The following PHTF1 variants were observed in gnomAD, a reference collection of about 807,000 sequenced individuals.
PHTF1 encodes the protein protein PHTF1.
In PHTF1, 88 loss-of-function variants were observed where a neutral mutation model predicts 102.4. The observed-to-expected ratio is 0.86, with a 90% CI of 0.72 to 1.03. The LOEUF is 1.03. Among genes scored for constraint, PHTF1 ranks in the 50% least tolerant of loss-of-function variants. PHTF1 has a pLI of 0.00. For missense variants in PHTF1, 814 were observed against 909.5 expected (o/e 0.89, Z 1.35); for synonymous variants, 289 against 305.2 (o/e 0.95, Z 0.55).
At chr1:113,741,907 A>G (rs1370340179) in intron 3 of PHTF1, among the ~76,000 whole-genome samples, 1 of 152,046 alleles carries the variant, frequency 6.6e-6, no homozygotes, top group East Asian at 1.9e-4. Context: ...ATGACTACTG[A>G]TCTTATGGGA....
chr1:113,712,083 A>T lies in PHTF1; in HGVS notation c.814T>A (p.Ser272Thr). The change falls in exon 9 of 19, where the codon TCT (serine) becomes ACT (threonine). Residue 272 changes from serine (S) to threonine (T), a missense_variant. Transcript: ENST00000369604. ...TCTTCTTCACTTGACAGGTCATCAG[A>T]CACCCCATTACCCAAACGCCTAAAA... ...EAFRRLGNGV[S>T]DDLSSEEDGE... 6.2e-7 allele frequency: 1 copy of T among 1,614,064 alleles called. No individual in the cohort carries two copies. The highest frequency in any genetic ancestry group is 8.5e-7 in the Non-Finnish European group (1 of 1,179,992).
At chr1:113,749,360 G>A (rs1657681416) in intron 3 of PHTF1, among the ~76,000 whole-genome samples, 1 of 152,182 alleles carries the variant, frequency 6.6e-6, no homozygotes, top group Non-Finnish European at 1.5e-5. Context: ...CTATAGAGGC[G>A]TGGCCAGTCA....
At chr1:113,700,455 G>A (rs548868150) in intron 16 of PHTF1, among the ~76,000 whole-genome samples, 1 of 152,176 alleles carries the variant, frequency 6.6e-6, no homozygotes, top group South Asian at 2.1e-4. Flanking sequence ...AAGAATTCAA[G>A]AAGCTTATTA....
In PHTF1 at chr1:113,706,128, A is replaced by G; in HGVS notation, c.1433T>C (p.Met478Thr). 1.2e-6 allele frequency: 2 copies of G among 1,613,848 alleles called. No homozygotes were observed. Among genetic ancestry groups the G allele is most frequent in the Non-Finnish European group, 1.7e-6 (2 of 1,179,824 alleles). ...TCCAATAGTGACAACATTTCCCAGC[A>G]TCTGATAACCTACTCCTTGCTGATA... ...NAYQQGVGYQ[M>T]LGNVVTIGLA... The change falls in exon 13 of 19, where the codon ATG (methionine) becomes ACG (threonine). Residue 478 changes from methionine to threonine, a missense_variant. By Grantham distance (81) the Met-to-Thr change is moderately conservative. Transcript: ENST00000369604.
chr1:113,759,140 C>A lies in PHTF1; in HGVS notation c.-148G>T. 4.3e-6 allele frequency: 4 copies of A among 935,156 alleles called. No individual in the cohort carries two copies. The South Asian group carries it at 1.9e-4, about 45-fold the overall frequency. The allele number at this position is 935,156 out of a possible 1,614,324, so 57.9% of individuals were successfully genotyped here. On this transcript the variant is annotated 5_prime_UTR_variant, in exon 1 of 19. Coordinates refer to ENST00000369604, the MANE Select transcript of PHTF1 (RefSeq NM_001323043.2). ...GGCAGGCCGCATCTTCCCCTCCAGG[C>A]GGAGACGCCGGAGAGGCCGTTACCA...
At position 113,713,466 on chromosome 1, in the gene PHTF1, T is replaced by G. The variant is rs939998882; in HGVS notation, c.624-28A>C. The G allele has an allele frequency of 4.5e-6, 6 of 1,333,590 alleles. No homozygotes were observed. In the Admixed American group the frequency reaches 6.5e-5, roughly 15 times the overall value. 82.6% of individuals were successfully genotyped at this position (1,333,590 alleles called of 1,614,324 possible). A position where few individuals can be genotyped will look rare whatever the true frequency, so the allele number is the denominator to read the frequency against. The stretch of plus-strand genomic sequence containing the variant: ...ATTTTTTAAAAAAGGAAAAGAAGAT[T>G]AATTTTTTGAAAGTAACACCTTTCA... On this transcript the variant is annotated intron_variant, in intron 7 of 18. Transcript: ENST00000369604.
Position 113,698,390 on chromosome 1 carries a change from A to G in PHTF1, c.2143-3T>C. ...AGTCTAAATGGTGTGTCCAGCTCCT[A>G]CAAAAAACATCAAAGAATTGAAATG... On this transcript the variant is annotated splice_polypyrimidine_tract_variant and splice_region_variant and intron_variant, in intron 17 of 18. Transcript: ENST00000369604. The G allele has an allele frequency of 5.0e-6, 8 of 1,609,078 alleles. No individual in the cohort carries two copies. The highest frequency in any genetic ancestry group is 6.8e-6 in the Non-Finnish European group (8 of 1,177,704).
At chr1:113,751,405 C>T (rs1383901278) in intron 3 of PHTF1, among the ~76,000 whole-genome samples, 4 of 152,180 alleles carry the variant, frequency 2.6e-5, no homozygotes, top group African/African-American at 9.7e-5. Flanking sequence ...CTGTTCCCCT[C>T]AATCCATAGG....
intron 12 of PHTF1, among the ~76,000 whole-genome samples, 196 bp downstream of exon 12, chr1:113,706,398 T>G (rs1278028443): frequency 6.6e-6 from 1 of 152,030 alleles, no homozygotes; most frequent in Admixed American, 6.6e-5. Flanking sequence ...GTATAACAAA[T>G]AATGTATATA....
At chr1:113,746,863 A>T (rs1657327701) in intron 3 of PHTF1, 1 of 910,166 alleles carries the variant, frequency 1.1e-6, no homozygotes, top group Non-Finnish European at 1.3e-6. Flanking sequence ...CTTACCCTTG[A>T]TTCATACATC....
chr1:113,739,002 C>T (rs963172288), intron 3 of PHTF1, among the ~76,000 whole-genome samples: 1 of 152,050 alleles, frequency 6.6e-6, no homozygotes, highest in African/African-American at 2.4e-5. Flanking sequence ...CAGGTGCCCA[C>T]CATTAAGCCC....
At chr1:113,758,232 A>AAAAAAC (rs1659181697) in intron 2 of PHTF1, among the ~76,000 whole-genome samples, 1 of 50,432 alleles carries the variant, frequency 2.0e-5, no homozygotes, top group Non-Finnish European at 4.5e-5. Context: ...ACTCCGTCTC[A>AAAAAAC]AAAAAAAAAA....
chr1:113,716,542 TCTCCCTAATG>T (rs1652066400), intron 7 of PHTF1, among the ~76,000 whole-genome samples: 1 of 151,758 alleles, frequency 6.6e-6, no homozygotes, highest in Non-Finnish European at 1.5e-5. Flanking sequence ...AGAGACTGGG[TCTCCCTAATG>T]TTGCCCAGGT....
At chr1:113,724,190 A>T (rs1653461634) in intron 7 of PHTF1, among the ~76,000 whole-genome samples, 1 of 152,202 alleles carries the variant, frequency 6.6e-6, no homozygotes, top group Non-Finnish European at 1.5e-5. Flanking sequence ...TAGTACAACC[A>T]CTATGAAGAA....
chr1:113,704,850 T>C (rs1649892813), intron 13 of PHTF1, 53 bp from the exon 14 acceptor site: 1 of 1,189,738 alleles, frequency 8.4e-7, no homozygotes, highest in Non-Finnish European at 1.2e-6. Context: ...TGTCTGTGTA[T>C]TCATATAATT....
intron 11 of PHTF1, 139 bp downstream of exon 11, chr1:113,710,113 TCA>T: frequency 1.5e-6 from 1 of 664,856 alleles, no homozygotes; most frequent in South Asian, 1.8e-5. Context: ...TAGACTATGC[TCA>T]GTTTCCTCAC....
intron 3 of PHTF1, among the ~76,000 whole-genome samples, chr1:113,755,413 T>A (rs897791810): frequency 1.3e-5 from 2 of 152,180 alleles, no homozygotes; most frequent in Non-Finnish European, 2.9e-5. Flanking sequence ...GAGTGGCACA[T>A]TAGCTGAGTA....
At chr1:113,707,996 AAAG>A (rs1650475099) in intron 11 of PHTF1, among the ~76,000 whole-genome samples, 3 of 152,188 alleles carry the variant, frequency 2.0e-5, no homozygotes, top group Admixed American at 2.0e-4. Flanking sequence ...CATCAGAAAC[AAAG>A]AAGGTTAGTT....
chr1:113,739,496 G>C (rs1158142760), intron 3 of PHTF1, among the ~76,000 whole-genome samples: 1 of 152,076 alleles, frequency 6.6e-6, no homozygotes, highest in African/African-American at 2.4e-5. Flanking sequence ...TTATGGCGTA[G>C]AATGTGATAT....
Sources: gnomAD v4.1 joint callset for allele counts (sites outside exome capture counted in the v4.1 genomes callset) on GRCh38, gnomAD v4.1.1 for gene constraint, MANE v1.5 for transcripts, NCBI Gene and HGNC (gene_info 2026-07-23, HGNC 2026-07-21) for gene names.